Variants in FHOD3 observed in about 807,000 individuals in gnomAD.
FHOD3 encodes the protein formin homology 2 domain containing 3.
FHOD3 carries 90 observed loss-of-function variants against 173.0 expected under a neutral mutation model. The ratio of observed to expected loss-of-function variants is 0.52; its 90% CI spans 0.44 to 0.62. The LOEUF is 0.62. Among genes scored for constraint, FHOD3 ranks in the 20% least tolerant of loss-of-function variants. The probability of loss-of-function intolerance (pLI) is 0.00; values close to 1 mark genes in which losing one functional copy is unlikely to be tolerated. For missense variants in FHOD3, 1,945 were observed against 2,034.7 expected (o/e 0.96, Z 0.85); for synonymous variants, 828 against 823.0 (o/e 1.01, Z -0.10).
At chr18:36,394,185 A>T (rs1914508381) in intron 3 of FHOD3, among the ~76,000 whole-genome samples, 4 of 152,148 alleles carry the variant, frequency 2.6e-5, no homozygotes, top group African/African-American at 9.7e-5. Context: ...TCTCCTGGGG[A>T]GCATGCTATC....
intron 3 of FHOD3, among the ~76,000 whole-genome samples, chr18:36,373,126 A>G (rs1029728108): frequency 1.6e-4 from 24 of 152,274 alleles, no homozygotes; most frequent in African/African-American, 4.3e-4. Context: ...GGTTGTTATC[A>G]GGTGACTAAA....
intron 3 of FHOD3, among the ~76,000 whole-genome samples, chr18:36,476,180 G>T (rs1443727056): frequency 6.6e-6 from 1 of 152,138 alleles, no homozygotes; most frequent in Non-Finnish European, 1.5e-5. Flanking sequence ...AAGTGCCCTG[G>T]TTGTGGTGCC....
intron 19 of FHOD3, among the ~76,000 whole-genome samples, chr18:36,728,464 G>T (rs1429909795): frequency 6.6e-6 from 1 of 152,174 alleles, no homozygotes; most frequent in Non-Finnish European, 1.5e-5. Flanking sequence ...CCTGAAGAGT[G>T]GGGAGGCATG....
intron 3 of FHOD3, among the ~76,000 whole-genome samples, chr18:36,481,402 A>C (rs546340823): frequency 6.6e-6 from 1 of 152,042 alleles, no homozygotes; most frequent in East Asian, 1.9e-4. Context: ...GGGATTGCAA[A>C]ATTTCCTTAA....
intron 17 of FHOD3, among the ~76,000 whole-genome samples, chr18:36,703,726 G>A (rs1378791536): frequency 6.6e-6 from 1 of 152,196 alleles, no homozygotes; most frequent in African/African-American, 2.4e-5. Context: ...TGCCCTGGCG[G>A]ACTTCATACA....
At chr18:36,769,685 G>A (rs1363450508) in intron 28 of FHOD3, among the ~76,000 whole-genome samples, 11 of 152,122 alleles carry the variant, frequency 7.2e-5, no homozygotes, top group Non-Finnish European at 1.5e-4. Context: ...TTCTTCCCAG[G>A]AAGGTATGAA....
At chr18:36,431,329 CTGTT>C (rs2050538333) in intron 3 of FHOD3, among the ~76,000 whole-genome samples, 1 of 152,166 alleles carries the variant, frequency 6.6e-6, no homozygotes, top group South Asian at 2.1e-4. Flanking sequence ...AAAGCCCTGA[CTGTT>C]TGGAAGGTGT....
chr18:36,629,646 A>G (rs2034366802), intron 10 of FHOD3, among the ~76,000 whole-genome samples: 1 of 152,224 alleles, frequency 6.6e-6, no homozygotes, highest in African/African-American at 2.4e-5. Context: ...GGAATATTCC[A>G]TGAAGAGATA....
chr18:36,561,346 T>C (rs2058075663), intron 5 of FHOD3, among the ~76,000 whole-genome samples: 1 of 151,948 alleles, frequency 6.6e-6, no homozygotes, highest in African/African-American at 2.4e-5. Flanking sequence ...GGCGGTGAGG[T>C]CTGGGGACAC....
chr18:36,431,466 C>T (rs1039202450), intron 3 of FHOD3, among the ~76,000 whole-genome samples: 1 of 152,204 alleles, frequency 6.6e-6, no homozygotes, highest in Admixed American at 6.5e-5. Context: ...GAGGAAGGAG[C>T]AGGCCTATTC....
chr18:36,705,988 T>TGTGTGC (rs1555812975), intron 17 of FHOD3, among the ~76,000 whole-genome samples: 1 of 133,530 alleles, frequency 7.5e-6, no homozygotes, highest in African/African-American at 2.8e-5. Context: ...TGTGTGTGTG[T>TGTGTGC]GTGCACGGAG....
intron 11 of FHOD3, among the ~76,000 whole-genome samples, chr18:36,650,785 G>A (rs2035994784): frequency 6.6e-6 from 1 of 152,172 alleles, no homozygotes; most frequent in African/African-American, 2.4e-5. Context: ...GAATCTGGCT[G>A]GAAAAGGCGG....
At chr18:36,437,651 T>C (rs1319873456) in intron 3 of FHOD3, among the ~76,000 whole-genome samples, 1 of 144,074 alleles carries the variant, frequency 6.9e-6, no homozygotes, top group Admixed American at 7.1e-5. Flanking sequence ...ATTGAGCTTC[T>C]GGTTTCTTTC....
rs140302442 is a variant in FHOD3, at chr18:36,740,664, A to C, written c.3585A>C (p.Leu1195=). The change falls in exon 21 of 29, where the codon CTA becomes CTC. Residue 1195 remains leucine, a synonymous_variant. Coordinates refer to ENST00000590592, the MANE Select transcript of FHOD3 (RefSeq NM_001281740.3). ...TCATCTCCTATTTCCAGAAAATTCT[A>C]ACGATGATTCCCACCGATGAGGAGA... ...ALNKEGIEKI[L]TMIPTDEEKQ... 126 of 1,613,202 alleles carry C rather than the reference A, an allele frequency of 7.8e-5. No individual in the cohort carries two copies. In the African/African-American group the frequency reaches 1.5e-3, roughly 20 times the overall value.
At chr18:36,496,527 T>C (rs2054751857) in intron 3 of FHOD3, among the ~76,000 whole-genome samples, 1 of 152,216 alleles carries the variant, frequency 6.6e-6, no homozygotes, top group Admixed American at 6.5e-5. Flanking sequence ...ACCACTGTTT[T>C]AAACATAGCA....
At chr18:36,619,889 G>A (rs948974745) in intron 9 of FHOD3, among the ~76,000 whole-genome samples, 14 of 152,230 alleles carry the variant, frequency 9.2e-5, no homozygotes, top group Admixed American at 6.5e-4. Context: ...GAGAGCATTG[G>A]AGGAGGTCAG....
intron 3 of FHOD3, among the ~76,000 whole-genome samples, chr18:36,477,088 C>G (rs563624715): frequency 6.6e-6 from 1 of 152,042 alleles, no homozygotes; most frequent in African/African-American, 2.4e-5. Context: ...CATGGCAGGT[C>G]CTTGAAGGTG....
intron 5 of FHOD3, among the ~76,000 whole-genome samples, chr18:36,540,494 A>C (rs780543482): frequency 6.6e-6 from 1 of 152,172 alleles, no homozygotes; most frequent in Non-Finnish European, 1.5e-5. Flanking sequence ...AATGCCACTT[A>C]GCACTCCTAG....
At chr18:36,556,744 C>T (rs12957930) in intron 5 of FHOD3, among the ~76,000 whole-genome samples, 16,901 of 151,950 alleles carry the variant, frequency 0.11, 1,206 homozygotes, top group East Asian at 0.4. Flanking sequence ...GTGTATTTAC[C>T]CTTGTAGTTA....
Sources: allele counts gnomAD v4.1 joint callset (sites outside exome capture counted in the v4.1 genomes callset), GRCh38; gene constraint gnomAD v4.1.1; transcripts MANE v1.5; gene names NCBI Gene and HGNC (gene_info 2026-07-23, HGNC 2026-07-21).